The following MKLN1 variants were observed in gnomAD, a reference collection of about 807,000 sequenced individuals.
The protein encoded by MKLN1 is muskelin.
MKLN1 carries 18 observed loss-of-function variants against 99.0 expected under a neutral mutation model. The ratio of observed to expected loss-of-function variants is 0.18; its 90% CI spans 0.13 to 0.27. The LOEUF (loss-of-function observed/expected upper bound fraction) is 0.27, where lower values mean the gene tolerates loss of function less well. Among genes scored for constraint, MKLN1 ranks in the 10% least tolerant of loss-of-function variants. The pLI is 1.00. For missense variants in MKLN1, 621 were observed against 875.9 expected (o/e 0.71, Z 3.67); for synonymous variants, 288 against 293.2 (o/e 0.98, Z 0.18).
chr7:131,404,693 C>T lies in MKLN1; in HGVS notation c.703+5260C>T, dbSNP rs150318823. ...AGTCACGGCTCACTACAGCCTTGAC[C>T]TCCCTGGGCTCAAGTGATCCTCTTA... On this transcript the variant is annotated intron_variant, in intron 6 of 17. Coordinates refer to ENST00000352689, the MANE Select transcript of MKLN1 (RefSeq NM_013255.5). 1.0e-3 allele frequency among the ~76,000 whole-genome samples: 157 copies of T among 152,088 alleles called. 1 individual carries two copies. The highest frequency in any genetic ancestry group is 3.6e-3 in the African/African-American group (151 of 41,482).
chr7:131,317,246 C>T (rs765844124), intron 3 of MKLN1, among the ~76,000 whole-genome samples: 5 of 152,192 alleles, frequency 3.3e-5, no homozygotes, highest in South Asian at 2.1e-4. Context: ...GTCAGACTAA[C>T]AGCAGATCTC....
chr7:131,235,202 C>T (rs1797301391), intron 3 of MKLN1, among the ~76,000 whole-genome samples: 1 of 152,072 alleles, frequency 6.6e-6, no homozygotes, highest in African/African-American at 2.4e-5. Flanking sequence ...CTCTGTCTCT[C>T]CCTCTATCTC....
At chr7:131,367,650 A>C (rs1800219484) in intron 1 of MKLN1, among the ~76,000 whole-genome samples, 1 of 152,012 alleles carries the variant, frequency 6.6e-6, no homozygotes. Context: ...TATGCTACTG[A>C]CTGCCTTATT....
intron 1 of MKLN1, among the ~76,000 whole-genome samples, chr7:131,369,013 C>T (rs1392264720): frequency 6.6e-6 from 1 of 151,972 alleles, no homozygotes; most frequent in East Asian, 1.9e-4. Context: ...CACACACACA[C>T]ACACACACAC....
chr7:131,263,641 G>A (rs541841797), intron 3 of MKLN1, among the ~76,000 whole-genome samples: 3 of 150,750 alleles, frequency 2.0e-5, no homozygotes, highest in African/African-American at 4.9e-5. Context: ...GCACGATCTC[G>A]GCTCACTGCA....
intron 3 of MKLN1, among the ~76,000 whole-genome samples, chr7:131,209,433 G>A (rs1334890001): frequency 6.6e-6 from 1 of 152,226 alleles, no homozygotes; most frequent in Non-Finnish European, 1.5e-5. Flanking sequence ...AGCGCTGGGT[G>A]TATGGGGTGT....
intron 3 of MKLN1, among the ~76,000 whole-genome samples, chr7:131,264,925 G>A (rs958969675): frequency 2.0e-5 from 3 of 152,026 alleles, no homozygotes; most frequent in South Asian, 2.1e-4. Context: ...TGCAACCTCC[G>A]TCTCCCGGGT....
intron 2 of MKLN1, among the ~76,000 whole-genome samples, chr7:131,191,443 T>A (rs989594198): frequency 5.9e-5 from 9 of 152,166 alleles, no homozygotes; most frequent in African/African-American, 2.2e-4. Flanking sequence ...CAGCTCCAAA[T>A]ATTGAGGGAA....
intron 1 of MKLN1, among the ~76,000 whole-genome samples, chr7:131,358,397 G>C (rs1707408080): frequency 6.6e-6 from 1 of 152,088 alleles, no homozygotes; most frequent in African/African-American, 2.4e-5. Flanking sequence ...TTATTGTGGT[G>C]TGTAATTATT....
intron 9 of MKLN1, among the ~76,000 whole-genome samples, chr7:131,430,137 G>A (rs1326388077): frequency 6.6e-6 from 1 of 152,058 alleles, no homozygotes; most frequent in Non-Finnish European, 1.5e-5. Context: ...TAACAAAACA[G>A]TAGGAGCCTC....
At chr7:131,478,473 T>G (rs1797025148) in intron 16 of MKLN1, 150 bp from the exon 17 acceptor site, 1 of 626,672 alleles carries the variant, frequency 1.6e-6, no homozygotes, top group African/African-American at 1.9e-5. Context: ...GTGTTCTTCT[T>G]GCCACTATTT....
intron 16 of MKLN1, chr7:131,471,711 T>C (rs1009201885): frequency 2.0e-5 from 3 of 152,230 alleles, no homozygotes; most frequent in African/African-American, 7.2e-5. Flanking sequence ...TCGTGCTGAT[T>C]ATATGTAGTT....
At chr7:131,195,482 G>T (rs959566366) in intron 2 of MKLN1, among the ~76,000 whole-genome samples, 3 of 151,780 alleles carry the variant, frequency 2.0e-5, no homozygotes, top group Non-Finnish European at 4.4e-5. Flanking sequence ...CTGCACTCCA[G>T]CCTGGGTGAC....
intron 12 of MKLN1, among the ~76,000 whole-genome samples, chr7:131,456,738 G>C (rs1320468563): frequency 6.6e-6 from 1 of 152,062 alleles, no homozygotes; most frequent in African/African-American, 2.4e-5. Context: ...GATCATATAT[G>C]GACATGATTC....
intron 2 of MKLN1, among the ~76,000 whole-genome samples, chr7:131,194,006 T>G (rs1047713051): frequency 7.6e-6 from 1 of 132,440 alleles, no homozygotes; most frequent in Non-Finnish European, 1.5e-5. Flanking sequence ...TTGTTTTGTT[T>G]TTTTTTTTTT....
intron 1 of MKLN1, among the ~76,000 whole-genome samples, chr7:131,329,032 G>A (rs1233531611): frequency 6.6e-6 from 1 of 152,094 alleles, no homozygotes; most frequent in South Asian, 2.1e-4. Flanking sequence ...CATCTCACAG[G>A]ACCGAAACGA....
At chr7:131,192,783 A>G (rs1796587755) in intron 2 of MKLN1, among the ~76,000 whole-genome samples, 1 of 151,628 alleles carries the variant, frequency 6.6e-6, no homozygotes, top group African/African-American at 2.4e-5. Context: ...CTCGTGATCC[A>G]CCTGCCTCAG....
intron 4 of MKLN1, among the ~76,000 whole-genome samples, chr7:131,392,965 G>A (rs1473530454): frequency 6.6e-6 from 1 of 151,310 alleles, no homozygotes; most frequent in Non-Finnish European, 1.5e-5. Flanking sequence ...GGCACAATTA[G>A]AGCTCAGTGC....
intron 3 of MKLN1, among the ~76,000 whole-genome samples, chr7:131,234,102 C>T (rs550740689): frequency 9.2e-5 from 14 of 152,256 alleles, no homozygotes; most frequent in African/African-American, 3.4e-4. Context: ...GCCTCAGCCT[C>T]CCGAGTAGCT....
Sources: allele counts gnomAD v4.1 joint callset (sites outside exome capture counted in the v4.1 genomes callset), GRCh38; gene constraint gnomAD v4.1.1; transcripts MANE v1.5; gene names NCBI Gene and HGNC (gene_info 2026-07-23, HGNC 2026-07-21).